Variants in GABBR2 observed in about 807,000 individuals in gnomAD.
GABBR2 encodes the protein G-protein coupled receptor 51.
GABBR2 carries 23 observed loss-of-function variants against 105.6 expected under a neutral mutation model. The observed-to-expected ratio is 0.22, with a 90% CI of 0.16 to 0.31. The LOEUF is 0.31. GABBR2 is among the 10% of genes least tolerant of loss of function. The pLI is 1.00. For missense variants in GABBR2, 734 were observed against 1,245.5 expected (o/e 0.59, Z 6.18); for synonymous variants, 478 against 499.7 (o/e 0.96, Z 0.58).
intron 12 of GABBR2, among the ~76,000 whole-genome samples, chr9:98,366,255 A>G (rs778491601): frequency 6.6e-6 from 1 of 152,172 alleles, no homozygotes; most frequent in Non-Finnish European, 1.5e-5. Context: ...GGTTGTTTAG[A>G]GCAGGGATTA....
At chr9:98,510,797 G>C (rs1197689796) in intron 3 of GABBR2, among the ~76,000 whole-genome samples, 2 of 151,846 alleles carry the variant, frequency 1.3e-5, no homozygotes, top group African/African-American at 2.4e-5. Context: ...TACAAAGAGA[G>C]TTAGACTCCC....
At chr9:98,514,892 T>TG (rs1827727307) in intron 3 of GABBR2, among the ~76,000 whole-genome samples, 1 of 152,082 alleles carries the variant, frequency 6.6e-6, no homozygotes, top group South Asian at 2.1e-4. Context: ...GGCGGCCACA[T>TG]GGGGAAGTCT....
At chr9:98,611,453 C>T (rs1829504667) in intron 1 of GABBR2, among the ~76,000 whole-genome samples, 1 of 117,694 alleles carries the variant, frequency 8.5e-6, no homozygotes, top group South Asian at 2.7e-4. Context: ...CCAAGTGCAC[C>T]CGAGGAATGA....
chr9:98,426,409 T>C (rs186533760), intron 7 of GABBR2, among the ~76,000 whole-genome samples: 11 of 152,274 alleles, frequency 7.2e-5, no homozygotes, highest in African/African-American at 2.4e-4. Context: ...TGCACACGTG[T>C]GTGTTAGAGT....
intron 3 of GABBR2, among the ~76,000 whole-genome samples, chr9:98,509,549 A>T (rs2131693599): frequency 6.6e-6 from 1 of 152,314 alleles, no homozygotes; most frequent in East Asian, 1.9e-4. Context: ...GGATAACTAG[A>T]ATAACCAATG....
chr9:98,480,883 G>A, intron 5 of GABBR2, 49 bp downstream of exon 5: 2 of 1,071,940 alleles, frequency 1.9e-6, no homozygotes, highest in Admixed American at 1.7e-5. Flanking sequence ...ATGGGAAAAA[G>A]CTTCGTGAAC....
chr9:98,694,168 G>T (rs1830719498), intron 1 of GABBR2, among the ~76,000 whole-genome samples: 1 of 152,206 alleles, frequency 6.6e-6, no homozygotes, highest in Non-Finnish European at 1.5e-5. Context: ...GCCCAGTCTG[G>T]GTATTTCATA....
chr9:98,429,814 T>C (rs1825766039), intron 7 of GABBR2, among the ~76,000 whole-genome samples: 1 of 152,190 alleles, frequency 6.6e-6, no homozygotes, highest in African/African-American at 2.4e-5. Context: ...TCCTTTTAAG[T>C]AGCTTACTGG....
intron 2 of GABBR2, among the ~76,000 whole-genome samples, chr9:98,577,086 GT>G (rs1380038513): frequency 2.9e-5 from 4 of 139,226 alleles, no homozygotes; most frequent in African/African-American, 5.2e-5. Flanking sequence ...ATAGGTGAAT[GT>G]GTGGATGGAT....
chr9:98,533,398 C>G (rs538644324), intron 3 of GABBR2, among the ~76,000 whole-genome samples: 23 of 152,262 alleles, frequency 1.5e-4, no homozygotes, highest in African/African-American at 5.5e-4. Flanking sequence ...CTTCACAAGC[C>G]TGGATGCTGG....
chr9:98,419,902 A>G (rs1012679146), intron 7 of GABBR2, among the ~76,000 whole-genome samples: 1 of 152,140 alleles, frequency 6.6e-6, no homozygotes, highest in Admixed American at 6.5e-5. Context: ...GGAGAGCGCG[A>G]GTCCTCCAGG....
chr9:98,566,443 A>G (rs1414836307), intron 2 of GABBR2, among the ~76,000 whole-genome samples: 1 of 152,136 alleles, frequency 6.6e-6, no homozygotes, highest in African/African-American at 2.4e-5. Context: ...TGGAAGGCCG[A>G]GGCGGGCGGA....
At chr9:98,582,406 C>T (rs755683808) in intron 1 of GABBR2, among the ~76,000 whole-genome samples, 5 of 152,172 alleles carry the variant, frequency 3.3e-5, no homozygotes, top group Non-Finnish European at 7.3e-5. Context: ...AGCAAATCTT[C>T]CCCAGTTGAG....
chr9:98,382,327 T>C (rs2131482258), intron 11 of GABBR2, among the ~76,000 whole-genome samples: 1 of 152,226 alleles, frequency 6.6e-6, no homozygotes, highest in South Asian at 2.1e-4. Flanking sequence ...AGTATCTTTT[T>C]TTTTGAGACC....
intron 7 of GABBR2, among the ~76,000 whole-genome samples, chr9:98,410,882 A>G (rs2417578): frequency 0.47 from 71,654 of 151,874 alleles, 17,649 homozygotes; most frequent in African/African-American, 0.59. Context: ...CTTCCTGCCC[A>G]AGGGGCATGG....
chr9:98,570,239 C>T (rs1304648965), intron 2 of GABBR2, among the ~76,000 whole-genome samples: 1 of 152,196 alleles, frequency 6.6e-6, no homozygotes, highest in Non-Finnish European at 1.5e-5. Flanking sequence ...CCAAGGTGGG[C>T]CACAAGGCAG....
Position 98,290,275 on chromosome 9 carries a change from T to TC in GABBR2, c.*308_*309insG, listed in dbSNP as rs796154585. ...CTCCTTGTCTAGTTTTTTTGTTTTT[T>TC]TTTTTTTTTTTTTTTTTTTGCAAGT... On this transcript the variant is annotated 3_prime_UTR_variant, in exon 19 of 19. Transcript: ENST00000259455. 5.6e-3 allele frequency: 776 copies of TC among 138,558 alleles called. 8 individuals carry two copies. Among genetic ancestry groups the TC allele is most frequent in the African/African-American group, 0.036 (730 of 20,398 alleles). The allele number at this position is 138,558 out of a possible 1,614,324, so 8.6% of individuals were successfully genotyped here.
At chr9:98,532,803 C>A (rs1184451457) in intron 3 of GABBR2, among the ~76,000 whole-genome samples, 1 of 152,082 alleles carries the variant, frequency 6.6e-6, no homozygotes, top group Non-Finnish European at 1.5e-5. Flanking sequence ...CAGTATTGCC[C>A]AATCCTGAAG....
rs1204760449 is a variant in GABBR2, at chr9:98,708,748, G to A, written c.-11C>T. ...CCGCGGGGAAGCCATGCCGCGCCGC[G>A]GGCTGCGGGCGCCGGCTCACTCGGC... On this transcript the variant is annotated 5_prime_UTR_variant, in exon 1 of 19. Transcript: ENST00000259455. The A allele has an allele frequency of 2.0e-6, 2 of 981,054 alleles. No individual in the cohort carries two copies. Among genetic ancestry groups the A allele is most frequent in the African/African-American group, 1.8e-5 (1 of 56,510 alleles). The allele number at this position is 981,054 out of a possible 1,614,324, so 60.8% of individuals were successfully genotyped here. A position where few individuals can be genotyped will look rare whatever the true frequency, so the allele number is the denominator to read the frequency against.
Sources: gnomAD v4.1 joint callset for allele counts (sites outside exome capture counted in the v4.1 genomes callset) on GRCh38, gnomAD v4.1.1 for gene constraint, MANE v1.5 for transcripts, NCBI Gene and HGNC (gene_info 2026-07-23, HGNC 2026-07-21) for gene names.